Variants in FLT1 observed in about 807,000 individuals in gnomAD.
FLT1 encodes vascular endothelial growth factor receptor 1.
In FLT1, 49 loss-of-function variants were observed where a neutral mutation model predicts 156.3. The observed-to-expected ratio is 0.31, with a 90% CI of 0.25 to 0.40. FLT1 has a LOEUF of 0.40. FLT1 is among the 10% of genes least tolerant of loss of function. The pLI is 1.00. For missense variants in FLT1, 1,322 were observed against 1,637.2 expected (o/e 0.81, Z 3.32); for synonymous variants, 594 against 583.8 (o/e 1.02, Z -0.25).
chr13:28,318,577 G>A (rs746007205), intron 24 of FLT1, among the ~76,000 whole-genome samples: 15 of 152,190 alleles, frequency 9.9e-5, no homozygotes, highest in Non-Finnish European at 1.6e-4. Context: ...TGCTGGCACC[G>A]TGTCATCGCA....
intron 12 of FLT1, among the ~76,000 whole-genome samples, chr13:28,392,606 A>G (rs1212908726): frequency 6.6e-6 from 1 of 152,242 alleles, no homozygotes; most frequent in Non-Finnish European, 1.5e-5. Context: ...TCCTGTGGAA[A>G]TAGCTCACAG....
At chr13:28,386,162 T>C (rs1874348906) in intron 13 of FLT1, 6 of 1,054,404 alleles carry the variant, frequency 5.7e-6, no homozygotes, top group East Asian at 5.3e-5. Flanking sequence ...TTAGGAGTGA[T>C]GACAATGCTA....
chr13:28,372,715 C>G (rs1215070250), intron 14 of FLT1, among the ~76,000 whole-genome samples: 1 of 150,654 alleles, frequency 6.6e-6, no homozygotes, highest in Non-Finnish European at 1.5e-5. Context: ...AACCCCGTCT[C>G]TACTAAAAAT....
chr13:28,403,947 C>T (rs1875619602), intron 11 of FLT1, among the ~76,000 whole-genome samples: 1 of 151,436 alleles, frequency 6.6e-6, no homozygotes, highest in Non-Finnish European at 1.5e-5. Flanking sequence ...GAGGCTGAGG[C>T]ACAGGAATCA....
intron 3 of FLT1, among the ~76,000 whole-genome samples, chr13:28,447,536 A>G (rs1449976742): frequency 1.3e-5 from 2 of 152,098 alleles, no homozygotes; most frequent in Non-Finnish European, 2.9e-5. Context: ...ATGATCTCAA[A>G]TATGGCATTG....
At chr13:28,312,610 C>T (rs1046448605) in intron 25 of FLT1, among the ~76,000 whole-genome samples, 3 of 152,166 alleles carry the variant, frequency 2.0e-5, no homozygotes, top group African/African-American at 7.2e-5. Flanking sequence ...TTTGAGCTGG[C>T]TTCTTAAAAA....
chr13:28,372,566 G>GTGTATATA (rs1555232432), intron 14 of FLT1, among the ~76,000 whole-genome samples: 2 of 91,458 alleles, frequency 2.2e-5, no homozygotes, highest in African/African-American at 7.4e-5. Flanking sequence ...TAAATAAAAT[G>GTGTATATA]TATATATATA....
At position 28,381,981 on chromosome 13, in the gene FLT1, A is replaced by T. The variant is rs141347985; in HGVS notation, c.2116+2904T>A. On this transcript the variant is annotated intron_variant, in intron 14 of 29. Coordinates refer to ENST00000282397, the MANE Select transcript of FLT1 (RefSeq NM_002019.4). ...TAGGTTCTGAAGATGAAAAGACAAG[A>T]CATAAATAAGACAAATAAGATAAAC... Among the ~76,000 whole-genome samples, 626 of 152,314 alleles carry T rather than the reference A, an allele frequency of 4.1e-3. 5 individuals carry two copies. Among genetic ancestry groups the T allele is most frequent in the African/African-American group, 0.014 (579 of 41,576 alleles).
intron 14 of FLT1, among the ~76,000 whole-genome samples, chr13:28,358,012 T>C (rs1872967449): frequency 1.3e-5 from 2 of 152,010 alleles, no homozygotes; most frequent in Admixed American, 1.3e-4. Context: ...ACTTGAAAGT[T>C]GAAGATATCA....
In FLT1 at chr13:28,306,716, G is replaced by C. The variant is rs781582635; in HGVS notation, c.3777C>G (p.Thr1259=). The change falls in exon 29 of 30, where the codon ACC becomes ACG. Residue 1259 remains threonine, a synonymous_variant. Transcript: ENST00000282397. ...LLASPMLKRF[T]WTDSKPKASL... The stretch of plus-strand genomic sequence containing the variant: ...AGGCCTTGGGTTTGCTGTCAGTCCA[G>C]GTGAAGCGCTTCAGCATGGGAGAGG... The C allele has an allele frequency of 1.2e-6, 2 of 1,613,972 alleles. No individual in the cohort carries two copies. Among genetic ancestry groups the C allele is most frequent in the Non-Finnish European group, 1.7e-6 (2 of 1,179,858 alleles).
chr13:28,335,310 T>C (rs1425108487), intron 17 of FLT1, among the ~76,000 whole-genome samples: 1 of 152,130 alleles, frequency 6.6e-6, no homozygotes, highest in Non-Finnish European at 1.5e-5. Context: ...GTTAGAGTGT[T>C]AATTTAACAC....
At chr13:28,309,293 C>T (rs900637802) in intron 27 of FLT1, among the ~76,000 whole-genome samples, 2 of 152,146 alleles carry the variant, frequency 1.3e-5, no homozygotes, top group African/African-American at 4.8e-5. Context: ...ATCAGGTGCT[C>T]TGAAAAGGAT....
At position 28,302,075 on chromosome 13, in the gene FLT1, G is replaced by T. The variant is rs905419629; in HGVS notation, c.*1092C>A. ...TTGGTTTGGTTGGTATAGAGACGGGGTTTTCCCTTGACCTTATTGACCTTT... is the reference window on the plus strand; with the variant it reads ...TTGGTTTGGTTGGTATAGAGACGGGTTTTTCCCTTGACCTTATTGACCTTT... On this transcript the variant is annotated 3_prime_UTR_variant, in exon 30 of 30. Coordinates refer to ENST00000282397, the MANE Select transcript of FLT1 (RefSeq NM_002019.4). The T allele has an allele frequency of 1.3e-5, 3 of 233,388 alleles. No homozygotes were observed. Among genetic ancestry groups the T allele is most frequent in the East Asian group, 6.0e-5 (1 of 16,580 alleles). The allele number at this position is 233,388 out of a possible 1,614,324, so 14.5% of individuals were successfully genotyped here. A position where few individuals can be genotyped will look rare whatever the true frequency, so the allele number is the denominator to read the frequency against.
At chr13:28,490,694 A>G (rs1437787092) in intron 1 of FLT1, among the ~76,000 whole-genome samples, 18 of 152,228 alleles carry the variant, frequency 1.2e-4, no homozygotes, top group South Asian at 2.1e-4. Flanking sequence ...CGGTTCTACC[A>G]AATTGCTTAA....
In FLT1 at chr13:28,467,137, C is replaced by T. The variant is rs772149487; in HGVS notation, c.162-8G>A. On this transcript the variant is annotated splice_polypyrimidine_tract_variant and splice_region_variant and intron_variant, in intron 2 of 29. Coordinates refer to ENST00000282397, the MANE Select transcript of FLT1 (RefSeq NM_002019.4). ...TTATGGGCTGCTTCCCCCCTGCAAT[C>T]ACAGATAAGAAAACAAAACATATTT... 6.2e-7 allele frequency: 1 copy of T among 1,606,436 alleles called. No homozygotes were observed. Among genetic ancestry groups the T allele is most frequent in the African/African-American group, 1.3e-5 (1 of 74,914 alleles).
Position 28,412,330 on chromosome 13 carries a change from TTTTC to T in FLT1, c.1437-6440_1437-6437del, listed in dbSNP as rs1555236468. Among the ~76,000 whole-genome samples, 851 of 92,448 alleles carry T rather than the reference TTTTC, an allele frequency of 9.2e-3. 46 individuals are homozygous for T. The highest frequency in any genetic ancestry group is 0.016 in the African/African-American group (394 of 24,050). The allele number at this position is 92,448 out of a possible 152,430, so 60.6% of individuals were successfully genotyped here. ...TTCTCTTTCTTTCTTTCTTTCTTTC[TTTTC>T]TTTCTTTCTTTCTTTCTCTTTCTTT... is the stretch of plus-strand genomic sequence containing the variant. On this transcript the variant is annotated intron_variant, in intron 10 of 29. Coordinates refer to ENST00000282397, the MANE Select transcript of FLT1 (RefSeq NM_002019.4).
At chr13:28,369,809 T>C (rs1873473311) in intron 14 of FLT1, among the ~76,000 whole-genome samples, 1 of 152,166 alleles carries the variant, frequency 6.6e-6, no homozygotes, top group Non-Finnish European at 1.5e-5. Context: ...TTGATGGCAG[T>C]GTAAGCCCTG....
rs1440154631 is a variant in FLT1, at chr13:28,303,333, A to G, written c.3851T>C (p.Leu1284Pro). 1.9e-6 allele frequency: 3 copies of G among 1,614,182 alleles called. No homozygotes were observed. The highest frequency in any genetic ancestry group is 1.7e-5 in the Admixed American group (1 of 60,022). The change falls in exon 30 of 30, where the codon CTG (leucine) becomes CCG (proline). Residue 1284 changes from leucine to proline, a missense_variant. Leu to Pro is a moderately conservative substitution (Grantham distance 98). This residue lies in a region of FLT1 where 329 missense variants were observed against 366.2 expected (regional missense o/e 0.90). Transcript: ENST00000282397. ...RVTSKSKESG[L>P]SDVSRPSFCH... ...GAAACTGGGCCTGCTGACATCAGAC[A>G]GCCCCGACTCCTTACTTTTACTGGT...
At chr13:28,326,333 G>A (rs1434497380) in intron 20 of FLT1, among the ~76,000 whole-genome samples, 1 of 152,110 alleles carries the variant, frequency 6.6e-6, no homozygotes, top group Non-Finnish European at 1.5e-5. Context: ...TCTGATTCCA[G>A]AGTCTCAATG....
Sources: gnomAD v4.1 joint callset for allele counts (sites outside exome capture counted in the v4.1 genomes callset) on GRCh38, gnomAD v4.1.1 for gene constraint, gnomAD v4.1.1 regional missense constraint, MANE v1.5 for transcripts, NCBI Gene and HGNC (gene_info 2026-07-23, HGNC 2026-07-21) for gene names.